The following SLC23A1 variants were observed in gnomAD, a reference collection of about 807,000 sequenced individuals.
SLC23A1 encodes Na(+)/L-ascorbic acid transporter 1.
Under a neutral mutation model 62.5 loss-of-function variants are expected in SLC23A1, and 31 were observed. The observed-to-expected ratio is 0.50, with a 90% CI of 0.37 to 0.67. The LOEUF (loss-of-function observed/expected upper bound fraction) is 0.67. SLC23A1 is among the 30% of genes least tolerant of loss of function. The pLI, the probability that SLC23A1 is intolerant of heterozygous loss-of-function variation, is 0.00. For synonymous variants in SLC23A1, 271 were observed against 313.2 expected, an observed-to-expected ratio of 0.87 and a Z score of 1.42; for missense variants, 640 against 782.7, an observed-to-expected ratio of 0.82 and a Z score of 2.18.
At chr5:139,372,669 C>T (rs1757737193) in intron 13 of SLC23A1, among the ~76,000 whole-genome samples, 1 of 152,164 alleles carries the variant, frequency 6.6e-6, no homozygotes, top group Non-Finnish European at 1.5e-5. Flanking sequence ...ACTGCCACCT[C>T]CTCCTCCCGG....
chr5:139,383,302 TG>T, upstream of SLC23A1: 1 of 1,602,444 alleles, frequency 6.2e-7, no homozygotes, highest in South Asian at 1.1e-5. Flanking sequence ...GGGGATGACT[TG>T]ACAAAGGCCA....
chr5:139,368,065 G>C (rs1757385109), intron 14 of SLC23A1, among the ~76,000 whole-genome samples: 3 of 152,206 alleles, frequency 2.0e-5, no homozygotes, highest in Admixed American at 1.3e-4. Flanking sequence ...GCCGGGCGCG[G>C]TGGCTTACGC....
At position 139,382,576 on chromosome 5, in the gene SLC23A1, C is replaced by T. The variant is rs755085859; in HGVS notation, c.66G>A (p.Pro22=). The T allele has an allele frequency of 8.1e-6, 13 of 1,612,960 alleles. No homozygotes were observed. The highest frequency in any genetic ancestry group is 2.2e-5 in the East Asian group (1 of 44,770). Residue 22 remains proline (P), a synonymous_variant, in exon 2 of 15, where the codon CCG becomes CCA. Transcript: ENST00000348729. ...TGTCAAACTTAGGCTCTGTGGGTAG[C>T]GGGGTCGAGGGGTCCCTGGTGGTTT... ...QHETTRDPST[P]LPTEPKFDML... is the part of the protein sequence containing the mutation.
chr5:139,373,571 T>G (rs1757793927), intron 13 of SLC23A1, among the ~76,000 whole-genome samples: 1 of 152,152 alleles, frequency 6.6e-6, no homozygotes, highest in African/African-American at 2.4e-5. Context: ...CGACAAAGAC[T>G]GAAATACTAT....
intron 14 of SLC23A1, chr5:139,369,711 G>T (rs1757535868): frequency 6.6e-6 from 1 of 152,460 alleles, no homozygotes; most frequent in African/African-American, 2.4e-5. Context: ...AATAATAGTA[G>T]AACTGAGCAG....
chr5:139,370,642 C>A (rs182242971), intron 14 of SLC23A1, among the ~76,000 whole-genome samples: 1 of 151,914 alleles, frequency 6.6e-6, no homozygotes, highest in Non-Finnish European at 1.5e-5. Context: ...CAGGCGCCTA[C>A]CACCACGCCT....
intron 3 of SLC23A1, among the ~76,000 whole-genome samples, chr5:139,381,614 CAAAA>C (rs904456829): frequency 1.8e-5 from 1 of 55,714 alleles, no homozygotes; most frequent in Non-Finnish European, 3.4e-5. Context: ...ACTCCGTCTC[CAAAA>C]AAAAAAAAAA....
At chr5:139,383,197 C>A in intron 1 of SLC23A1, 21 bp downstream of exon 1, 1 of 1,043,916 alleles carries the variant, frequency 9.6e-7, no homozygotes, top group Non-Finnish European at 1.3e-6. Flanking sequence ...CCCCCTAGCC[C>A]CCACCCCCAG....
chr5:139,368,356 A>T (rs114317449), intron 14 of SLC23A1, among the ~76,000 whole-genome samples: 2,464 of 151,394 alleles, frequency 0.016, 28 homozygotes, highest in Non-Finnish European at 0.027. Flanking sequence ...AAAAAACTAA[A>T]TAAATAAATA....
upstream of SLC23A1, chr5:139,384,423 C>G (rs760738467): frequency 5.4e-6 from 7 of 1,289,710 alleles, no homozygotes; most frequent in African/African-American, 1.1e-4. Context: ...CGCTCTCCAG[C>G]TGGGCAGCAG....
rs757398055 is a variant in SLC23A1 at position 139,378,543 on chromosome 5, A to G, written c.1179+36T>C. On this transcript the variant is annotated intron_variant, in intron 10 of 14. Coordinates refer to ENST00000348729, the MANE Select transcript of SLC23A1 (RefSeq NM_005847.5). The surrounding 1 kb of genome is among the most constrained non-coding windows in gnomAD (Gnocchi z 4.5). ...TGGGGCGGGGCCTGCGGCCCACGGA[A>G]TTAGGGCAGGATTTGGCTCTGGCTC... 6.6e-7 allele frequency: 1 copy of G among 1,504,478 alleles called. No homozygotes were observed. Among genetic ancestry groups the G allele is most frequent in the Non-Finnish European group, 9.0e-7 (1 of 1,105,538 alleles). 93.2% of individuals were successfully genotyped at this position (1,504,478 alleles called of 1,614,324 possible). A position where few individuals can be genotyped will look rare whatever the true frequency, so the allele number is the denominator to read the frequency against.
intron 13 of SLC23A1, among the ~76,000 whole-genome samples, chr5:139,375,899 T>G (rs1204234186): frequency 6.6e-6 from 1 of 151,966 alleles, no homozygotes; most frequent in Non-Finnish European, 1.5e-5. Context: ...TTTGAGAGGC[T>G]GAGATGGGAG....
Position 139,379,064 on chromosome 5 carries a change from C to T in SLC23A1, c.1073+143G>A. On this transcript the variant is annotated intron_variant, in intron 9 of 14. Transcript: ENST00000348729. The surrounding 1 kb of genome is among the most constrained non-coding windows in gnomAD (Gnocchi z 4.7). ...ACAGAGGGGTGATGAGAGGGCACCCCCATCGCACAAACAAGGAGAATGAGG... is the reference window on the plus strand; with the variant it reads ...ACAGAGGGGTGATGAGAGGGCACCCTCATCGCACAAACAAGGAGAATGAGG... The T allele has an allele frequency of 1.2e-6, 1 of 814,292 alleles. No homozygotes were observed. Among genetic ancestry groups the T allele is most frequent in the South Asian group, 1.6e-5 (1 of 61,534 alleles). The allele number at this position is 814,292 out of a possible 1,614,324, so 50.4% of individuals were successfully genotyped here. A position where few individuals can be genotyped will look rare whatever the true frequency, so the allele number is the denominator to read the frequency against.
At position 139,378,626 on chromosome 5, in the gene SLC23A1, C is replaced by G. The variant is rs1339925786; in HGVS notation, c.1132G>C (p.Gly378Arg). 1.2e-6 allele frequency: 2 copies of G among 1,612,062 alleles called. No homozygotes were observed. Among genetic ancestry groups the G allele is most frequent in the African/African-American group, 1.3e-5 (1 of 74,862 alleles). The change falls in exon 10 of 15, where the codon GGG becomes CGG. Residue 378 changes from glycine to arginine, a missense_variant. Physicochemically the swap from Gly to Arg is moderately radical, Grantham distance 125. Coordinates refer to ENST00000348729, the MANE Select transcript of SLC23A1 (RefSeq NM_005847.5). This position sits in a 1 kb window ranked among gnomAD's most constrained non-coding sequence, Gnocchi z 4.5. ...ATGTTGGGACTGGACGAGGTGGACCCGTTGCCCGTGCCCAATAGCCCCGCG... is the reference window on the plus strand; with the variant it reads ...ATGTTGGGACTGGACGAGGTGGACCGGTTGCCCGTGCCCAATAGCCCCGCG... ...IIAGLLGTGN[G>R]STSSSPNIGV...
In SLC23A1 at chr5:139,371,991, C is replaced by T. The variant is rs541081293; in HGVS notation, c.*15G>A. On this transcript the variant is annotated 3_prime_UTR_variant, in exon 14 of 15. Transcript: ENST00000348729. ...AAAACCATAGACACATCCTACCTTT[C>T]CTGGAAGTCATTTTTCAGACCTTGG... 5.1e-4 allele frequency: 821 copies of T among 1,611,408 alleles called. 17 individuals carry two copies. The South Asian group carries it at 8.2e-3, about 16-fold the overall frequency.
chr5:139,384,239 G>A (rs1353971616), upstream of SLC23A1: 3 of 794,592 alleles, frequency 3.8e-6, no homozygotes, highest in East Asian at 1.4e-4. Flanking sequence ...GATGGCAGAG[G>A]GGGACATGGG....
chr5:139,384,610 C>G, upstream of SLC23A1: 1 of 1,258,920 alleles, frequency 7.9e-7, no homozygotes, highest in Non-Finnish European at 1.0e-6. Flanking sequence ...CAGAACTCCC[C>G]AGGGTGCTGT....
Position 139,380,553 on chromosome 5 carries a change from A to C in SLC23A1, c.465+12T>G. 6.2e-7 allele frequency: 1 copy of C among 1,613,652 alleles called. No individual in the cohort carries two copies. The highest frequency in any genetic ancestry group is 8.5e-7 in the Non-Finnish European group (1 of 1,179,560). On this transcript the variant is annotated intron_variant, in intron 5 of 14. Transcript: ENST00000348729. The stretch of plus-strand genomic sequence containing the variant: ...AGGACCCGGCCTCTTCTATGCTTAC[A>C]TGCAAACCCACCTCCCGTATCCGTG...
chr5:139,383,300 CT>C, upstream of SLC23A1: 1 of 1,603,568 alleles, frequency 6.2e-7, no homozygotes, highest in South Asian at 1.1e-5. Context: ...GAGGGGATGA[CT>C]TGACAAAGGC....
Sources: gnomAD v4.1 joint callset for allele counts (sites outside exome capture counted in the v4.1 genomes callset) on GRCh38, gnomAD v4.1.1 for gene constraint, Gnocchi (gnomAD v3.1) non-coding constraint, MANE v1.5 for transcripts, NCBI Gene and HGNC (gene_info 2026-07-23, HGNC 2026-07-21) for gene names.